CDKL2: variants seen among roughly 807,000 people sequenced by gnomAD.
CDKL2 encodes cyclin-dependent kinase-like 2.
CDKL2 carries 64 observed loss-of-function variants against 63.9 expected under a neutral mutation model. The observed-to-expected ratio is 1.00, with a 90% CI of 0.82 to 1.23. The LOEUF (loss-of-function observed/expected upper bound fraction) is 1.23, where lower values mean the gene tolerates loss of function less well. CDKL2 is among the 50% of genes most tolerant of loss of function. CDKL2 has a pLI of 0.00. For synonymous variants in CDKL2, 211 were observed against 229.2 expected, an observed-to-expected ratio of 0.92 and a Z score of 0.72; for missense variants, 656 against 668.0, an observed-to-expected ratio of 0.98 and a Z score of 0.20.
intron 7 of CDKL2, among the ~76,000 whole-genome samples, 195 bp downstream of exon 7, chr4:75,600,086 C>A (rs536809057): frequency 6.6e-6 from 1 of 152,270 alleles, no homozygotes; most frequent in African/African-American, 2.4e-5. Flanking sequence ...AAACCAAGAG[C>A]ACTAATTTAG....
intron 13 of CDKL2, 73 bp downstream of exon 13, chr4:75,581,737 T>C (rs766641207): frequency 4.6e-5 from 34 of 736,736 alleles, no homozygotes; most frequent in East Asian, 3.8e-4. Context: ...AGCTGAAAAA[T>C]TGGTATTCAG....
chr4:75,613,871 A>G (rs1729809650), intron 3 of CDKL2, among the ~76,000 whole-genome samples: 1 of 152,196 alleles, frequency 6.6e-6, no homozygotes, highest in Non-Finnish European at 1.5e-5. Context: ...AGCCTGGCCA[A>G]CATGGTGAAA....
At chr4:75,610,455 A>G (rs191746016) in intron 3 of CDKL2, among the ~76,000 whole-genome samples, 2 of 152,230 alleles carry the variant, frequency 1.3e-5, no homozygotes, top group East Asian at 3.9e-4. Flanking sequence ...AAAATCCATC[A>G]TTGCAGACTG....
intron 12 of CDKL2, among the ~76,000 whole-genome samples, chr4:75,586,250 G>C (rs1728477289): frequency 6.7e-6 from 1 of 149,278 alleles, no homozygotes; most frequent in Non-Finnish European, 1.5e-5. Context: ...TTTTAAGATG[G>C]AGTCTTGATC....
At chr4:75,620,467 G>C (rs1578351980) in intron 2 of CDKL2, among the ~76,000 whole-genome samples, 1 of 152,142 alleles carries the variant, frequency 6.6e-6, no homozygotes, top group East Asian at 1.9e-4. Context: ...TTCTAGGATA[G>C]AAAAGTATAA....
At chr4:75,616,417 C>G (rs539630162) in intron 2 of CDKL2, among the ~76,000 whole-genome samples, 2 of 152,230 alleles carry the variant, frequency 1.3e-5, no homozygotes, top group South Asian at 4.1e-4. Flanking sequence ...AATCCCAGCA[C>G]TTTGGGAGGC....
In CDKL2 at chr4:75,607,348, T is replaced by A. The variant is rs1729466139; in HGVS notation, c.377A>T (p.Asp126Val). 2 of 1,613,010 alleles carry A rather than the reference T, an allele frequency of 1.2e-6. No individual in the cohort carries two copies. Among genetic ancestry groups the A allele is most frequent in the South Asian group, 2.2e-5 (2 of 91,002 alleles). ...FCHSHNIIHR[D>V]IKPENILVSQ... ...GACTAATATATTCTCTGGCTTTATA[T>A]CTCTGTGTATGATCTAGACAAGAAG... is the stretch of plus-strand genomic sequence containing the variant. The change falls in exon 4 of 14, where the codon GAT (aspartate) becomes GTT (valine). Residue 126 changes from aspartate (D) to valine (V), a missense_variant. Transcript: ENST00000307465.
chr4:75,629,679 C>G lies in CDKL2; in HGVS notation c.-30+363G>C, dbSNP rs1447781514. ...AAAGGGCCGGGAGCGGTGGCTCACGCCTGTAATCCCAACACTTTGGGAGGC... is the reference window on the plus strand; with the variant it reads ...AAAGGGCCGGGAGCGGTGGCTCACGGCTGTAATCCCAACACTTTGGGAGGC... On this transcript the variant is annotated intron_variant, in intron 1 of 13. Coordinates refer to ENST00000307465, the MANE Select transcript of CDKL2 (RefSeq NM_001330724.2). 2.6e-5 allele frequency among the ~76,000 whole-genome samples: 4 copies of G among 152,090 alleles called. No individual in the cohort carries two copies. The East Asian group carries it at 7.7e-4, about 29-fold the overall frequency.
intron 12 of CDKL2, among the ~76,000 whole-genome samples, chr4:75,582,508 T>G (rs1026189775): frequency 6.6e-5 from 10 of 151,610 alleles, no homozygotes; most frequent in African/African-American, 2.4e-4. Flanking sequence ...GAAAAATGAT[T>G]AAGAAAAAGT....
chr4:75,592,002 G>T, intron 11 of CDKL2, 77 bp from the exon 12 acceptor site: 2 of 1,323,496 alleles, frequency 1.5e-6, no homozygotes, highest in Non-Finnish European at 2.1e-6. Flanking sequence ...TTCTCTACGT[G>T]TTCCTCAGTA....
At chr4:75,617,452 T>C (rs1729977922) in intron 2 of CDKL2, among the ~76,000 whole-genome samples, 5 of 152,102 alleles carry the variant, frequency 3.3e-5, no homozygotes, top group Admixed American at 1.3e-4. Context: ...AAGGAACTTG[T>C]CCAAGGTCAC....
At chr4:75,609,582 G>A (rs1241544946) in intron 3 of CDKL2, among the ~76,000 whole-genome samples, 1 of 149,070 alleles carries the variant, frequency 6.7e-6, no homozygotes, top group African/African-American at 2.5e-5. Context: ...CTCCAGCCTG[G>A]GCGACAGAGA....
At position 75,614,313 on chromosome 4, in the gene CDKL2, A is replaced by G; in HGVS notation, c.305T>C (p.Val102Ala). 1 of 1,610,852 alleles carries G rather than the reference A, an allele frequency of 6.2e-7. No homozygotes were observed. Among genetic ancestry groups the G allele is most frequent in the Non-Finnish European group, 8.5e-7 (1 of 1,178,888 alleles). ...ELFPNGLDYQ[V>A]VQKYLFQIIN... ...AATCTGAAACAAATACTTTTGAACTACTTGGTAGTCTAGTCCATTTGGAAA... is the reference window on the plus strand; with the variant it reads ...AATCTGAAACAAATACTTTTGAACTGCTTGGTAGTCTAGTCCATTTGGAAA... Residue 102 changes from valine (V) to alanine (A), a missense_variant, in exon 3 of 14, where the codon GTA becomes GCA. Val to Ala is a moderately conservative substitution (Grantham distance 64). Transcript: ENST00000307465.
At chr4:75,597,527 C>T (rs1019411893) in intron 8 of CDKL2, among the ~76,000 whole-genome samples, 5 of 152,058 alleles carry the variant, frequency 3.3e-5, no homozygotes, top group African/African-American at 1.2e-4. Flanking sequence ...ATCAAGAATT[C>T]CACTTTTGTT....
rs1382636552 is a variant in CDKL2, at chr4:75,577,515, A to C, written c.*1687T>G. On this transcript the variant is annotated 3_prime_UTR_variant, in exon 14 of 14. Transcript: ENST00000307465. The stretch of plus-strand genomic sequence containing the variant: ...AAACTGCAAGGCAATTGATCCTAGA[A>C]CCTCAACCATTGAGCTGATATTCTC... Among the ~76,000 whole-genome samples the C allele has an allele frequency of 6.6e-6, 1 of 152,192 alleles. No individual in the cohort carries two copies. Among genetic ancestry groups the C allele is most frequent in the East Asian group, 1.9e-4 (1 of 5,202 alleles).
chr4:75,606,013 A>G (rs983955959), intron 4 of CDKL2, among the ~76,000 whole-genome samples: 4 of 152,162 alleles, frequency 2.6e-5, no homozygotes, highest in Non-Finnish European at 5.9e-5. Flanking sequence ...AAGCCAAAAC[A>G]GTTATTATGT....
intron 12 of CDKL2, among the ~76,000 whole-genome samples, chr4:75,584,799 G>C (rs1358151245): frequency 1.3e-5 from 2 of 152,160 alleles, no homozygotes; most frequent in Non-Finnish European, 2.9e-5. Context: ...GATTTCATCA[G>C]GCTATTCAAA....
chr4:75,576,577 AAC>A lies in CDKL2; in HGVS notation c.*2623_*2624del, dbSNP rs1451647431. Among the ~76,000 whole-genome samples, 1 of 152,232 alleles carries A rather than the reference AAC, an allele frequency of 6.6e-6. No homozygotes were observed. The highest frequency in any genetic ancestry group is 1.5e-5 in the Non-Finnish European group (1 of 68,028). On this transcript the variant is annotated 3_prime_UTR_variant, in exon 14 of 14. Transcript: ENST00000307465. ...TGCAAAAACACTTAATGCAAAAAAC[AAC>A]AGAGAAAAATCCATTCAGTCCAATT...
Position 75,597,206 on chromosome 4 carries a change from A to G in CDKL2, c.1051T>C (p.Tyr351His), listed in dbSNP as rs1416800554. The G allele has an allele frequency of 6.2e-7, 1 of 1,608,752 alleles. No homozygotes were observed. Residue 351 changes from tyrosine (Y) to histidine (H), a missense_variant, in exon 9 of 14, where the codon TAT (tyrosine) becomes CAT (histidine). By Grantham distance (83) the Tyr-to-His change is moderately conservative (BLOSUM62 2). Transcript: ENST00000307465. ...GAGCCTTTTATTTTAAATAGTTTAT[A>G]ATCCTTAATTTTGGGATCAGCATTG... ...DTNADPKIKD[Y>H]KLFKIKGSKI...
Sources: allele counts gnomAD v4.1 joint callset (sites outside exome capture counted in the v4.1 genomes callset), GRCh38; gene constraint gnomAD v4.1.1; transcripts MANE v1.5; gene names NCBI Gene and HGNC (gene_info 2026-07-23, HGNC 2026-07-21).